NUCB2: variants seen among roughly 807,000 people sequenced by gnomAD.
NUCB2 encodes nucleobindin-2.
In NUCB2, 48 loss-of-function variants were observed where a neutral mutation model predicts 57.9. The observed-to-expected ratio is 0.83, with a 90% confidence interval of 0.66 to 1.05. The LOEUF is 1.05. Ranked by LOEUF, NUCB2 falls within the 50% of genes least tolerant of loss-of-function variation. The probability of loss-of-function intolerance (pLI) is 0.00; values close to 1 mark genes in which losing one functional copy is unlikely to be tolerated. For synonymous variants in NUCB2, 139 were observed against 152.1 expected (o/e 0.91, Z 0.64); for missense variants, 442 against 476.2 (o/e 0.93, Z 0.67).
intron 2 of NUCB2, among the ~76,000 whole-genome samples, chr11:17,339,445 C>T (rs1952067006): frequency 6.6e-6 from 1 of 151,848 alleles, no homozygotes; most frequent in East Asian, 1.9e-4. Context: ...TGGTGTGCTG[C>T]ACCCATTAAC....
chr11:17,311,260 C>G lies in NUCB2; in HGVS notation c.737C>G (p.Pro246Arg). 1 of 1,607,014 alleles carries G rather than the reference C, an allele frequency of 6.2e-7. No individual in the cohort carries two copies. The highest frequency in any genetic ancestry group is 8.5e-7 in the Non-Finnish European group (1 of 1,176,464). Residue 246 changes from proline to arginine, a missense_variant, in exon 8 of 14, where the codon CCC (proline) becomes CGC (arginine). Coordinates refer to ENST00000529010, the MANE Select transcript of NUCB2 (RefSeq NM_005013.4). ...GGATTGGATCCTAATGACTTTGACCCCAAGACATTTTTCAAATTACATGGT... is the reference window on the plus strand; with the variant it reads ...GGATTGGATCCTAATGACTTTGACCGCAAGACATTTTTCAAATTACATGGT... ...TDGLDPNDFD[P>R]KTFFKLHDVN...
At chr11:17,329,315 A>G (rs1344238527) in intron 11 of NUCB2, among the ~76,000 whole-genome samples, 1 of 152,060 alleles carries the variant, frequency 6.6e-6, no homozygotes, top group Non-Finnish European at 1.5e-5. Context: ...GTCACCTGCT[A>G]CCCTAGTTCA....
intron 4 of NUCB2, among the ~76,000 whole-genome samples, chr11:17,297,904 A>G (rs916310170): frequency 6.6e-6 from 1 of 152,032 alleles, no homozygotes; most frequent in Admixed American, 6.6e-5. Context: ...CAAGATGGTG[A>G]AACCCTGTCT....
intron 11 of NUCB2, among the ~76,000 whole-genome samples, chr11:17,325,154 C>G (rs1950519693): frequency 6.6e-6 from 1 of 152,272 alleles, no homozygotes; most frequent in Non-Finnish European, 1.5e-5. Flanking sequence ...AAAATGTGTA[C>G]TCTATAGCTG....
At chr11:17,314,708 T>G (rs1948993132) in intron 10 of NUCB2, among the ~76,000 whole-genome samples, 1 of 152,232 alleles carries the variant, frequency 6.6e-6, no homozygotes, top group Non-Finnish European at 1.5e-5. Context: ...AGGCATCATA[T>G]GCAGGGTAAC....
intron 11 of NUCB2, among the ~76,000 whole-genome samples, chr11:17,327,886 A>G (rs911080929): frequency 2.6e-5 from 4 of 152,150 alleles, no homozygotes; most frequent in Admixed American, 6.5e-5. Flanking sequence ...TGAATTCTGT[A>G]TCTGAAAGGT....
intron 3 of NUCB2, 138 bp from the exon 4 acceptor site, chr11:17,295,965 GC>G: frequency 2.0e-6 from 1 of 506,360 alleles, no homozygotes; most frequent in Non-Finnish European, 3.5e-6. Flanking sequence ...CAGAAATATA[GC>G]TTTTCACTTT....
intron 2 of NUCB2, among the ~76,000 whole-genome samples, chr11:17,341,831 A>C (rs1254076168): frequency 1.3e-5 from 2 of 152,228 alleles, no homozygotes; most frequent in Non-Finnish European, 1.5e-5. Context: ...CTGGGCTCAT[A>C]AAATGAGTTA....
In NUCB2 at chr11:17,285,429, T is replaced by A. The variant is rs533014915; in HGVS notation, c.-1+2486T>A. 2.8e-4 allele frequency among the ~76,000 whole-genome samples: 42 copies of A among 152,030 alleles called. 1 individual carries two copies. The highest frequency in any genetic ancestry group is 4.4e-5 in the Non-Finnish European group (3 of 67,956). On this transcript the variant is annotated intron_variant, in intron 2 of 13. Transcript: ENST00000529010. ...CTTTACTAAAAAAAACACAAAAAAT[T>A]AGCCAGGCATGGTGGCATGCGCCTG... is the stretch of plus-strand genomic sequence containing the variant.
chr11:17,348,973 T>G (rs1953004539), intron 2 of NUCB2, among the ~76,000 whole-genome samples: 2 of 152,006 alleles, frequency 1.3e-5, no homozygotes, highest in South Asian at 4.1e-4. Flanking sequence ...AGAGACAGGG[T>G]TTCACCATGT....
chr11:17,341,759 A>T (rs992643869), intron 2 of NUCB2, among the ~76,000 whole-genome samples: 1 of 152,006 alleles, frequency 6.6e-6, no homozygotes, highest in African/African-American at 2.4e-5. Flanking sequence ...TTCATCAGGG[A>T]TATTGGTCTA....
At chr11:17,333,499 G>T (rs543839258), downstream of NUCB2, 1 of 152,266 alleles carries the variant, frequency 6.6e-6, no homozygotes, top group South Asian at 2.1e-4. Context: ...CATTTACATG[G>T]ACAGTATTAA....
In NUCB2 at chr11:17,331,403, T is replaced by C. The variant is rs1210744583; in HGVS notation, c.1256-9T>C. On this transcript the variant is annotated splice_polypyrimidine_tract_variant and intron_variant, in intron 13 of 13. Coordinates refer to ENST00000529010, the MANE Select transcript of NUCB2 (RefSeq NM_005013.4). ...TTTAAAATAAGAACTTTTTTCTTTT[T>C]TCCAACAGACATTTAAAGTCTGAAG... is the stretch of plus-strand genomic sequence containing the variant. The C allele has an allele frequency of 8.3e-6, 12 of 1,439,544 alleles. No individual in the cohort carries two copies. Among genetic ancestry groups the C allele is most frequent in the Non-Finnish European group, 1.1e-5 (12 of 1,086,974 alleles). 89.2% of individuals were successfully genotyped at this position (1,439,544 alleles called of 1,614,324 possible).
In NUCB2 at chr11:17,285,934, T is replaced by TACACACACACACAC. The variant is rs140090235; in HGVS notation, c.-1+3011_-1+3024dup. The stretch of plus-strand genomic sequence containing the variant: ...ACACATACATGCGCGCACGTGTGCG[T>TACACACACACACAC]ACACACACACACACACACACACACA... On this transcript the variant is annotated intron_variant, in intron 2 of 13. Transcript: ENST00000529010. 5.6e-5 allele frequency among the ~76,000 whole-genome samples: 8 copies of TACACACACACACAC among 143,536 alleles called. No homozygotes were observed. The East Asian group carries it at 1.4e-3, about 26-fold the overall frequency. The allele number at this position is 143,536 out of a possible 152,430, so 94.2% of individuals were successfully genotyped here.
intron 2 of NUCB2, among the ~76,000 whole-genome samples, chr11:17,294,761 A>G (rs1357121819): frequency 2.0e-5 from 3 of 151,932 alleles, no homozygotes; most frequent in Non-Finnish European, 4.4e-5. Flanking sequence ...TATAAAAACA[A>G]TATAGGCCGG....
chr11:17,322,795 T>G (rs1950190593), intron 11 of NUCB2, among the ~76,000 whole-genome samples: 1 of 152,150 alleles, frequency 6.6e-6, no homozygotes, highest in Non-Finnish European at 1.5e-5. Context: ...ATAGAGATCT[T>G]AACTTCTTTG....
intron 11 of NUCB2, among the ~76,000 whole-genome samples, chr11:17,315,717 G>A: frequency 6.6e-6 from 1 of 152,054 alleles, no homozygotes; most frequent in East Asian, 1.9e-4. Flanking sequence ...TTTTTTCAAA[G>A]TATAAAATAG....
intron 2 of NUCB2, among the ~76,000 whole-genome samples, chr11:17,290,973 G>A (rs1339532209): frequency 6.6e-6 from 1 of 151,940 alleles, no homozygotes; most frequent in African/African-American, 2.4e-5. Context: ...CTGGCTTTTA[G>A]TATATTCATA....
intron 2 of NUCB2, among the ~76,000 whole-genome samples, chr11:17,290,194 C>G (rs1273598067): frequency 1.3e-5 from 2 of 152,310 alleles, no homozygotes; most frequent in East Asian, 3.9e-4. Context: ...ATTTGCTTCA[C>G]TAACATCAGC....
Sources: allele counts gnomAD v4.1 joint callset (sites outside exome capture counted in the v4.1 genomes callset), GRCh38; gene constraint gnomAD v4.1.1; transcripts MANE v1.5; gene names NCBI Gene and HGNC (gene_info 2026-07-23, HGNC 2026-07-21).